The following NAPB variants were observed in gnomAD, a reference collection of about 807,000 sequenced individuals.
NAPB encodes NSF attachment protein beta.
NAPB carries 26 observed loss-of-function variants against 44.7 expected under a neutral mutation model. The observed-to-expected ratio is 0.58, with a 90% CI of 0.43 to 0.81. NAPB has a LOEUF of 0.81. Ranked by LOEUF, NAPB falls within the 30% of genes least tolerant of loss-of-function variation. NAPB has a pLI of 0.00. For missense variants in NAPB, 315 were observed against 356.4 expected (o/e 0.88, Z 0.94); for synonymous variants, 120 against 116.8 (o/e 1.03, Z -0.18).
At chr20:23,395,023 T>C (rs924033886) in intron 4 of NAPB, 24 bp from the exon 5 acceptor site, 27 of 1,613,392 alleles carry the variant, frequency 1.7e-5, no homozygotes, top group Non-Finnish European at 2.1e-5. Flanking sequence ...CAAGAAACAG[T>C]CACACACCGA....
chr20:23,385,716 G>A (rs1338050633), intron 7 of NAPB, among the ~76,000 whole-genome samples: 3 of 42,976 alleles, frequency 7.0e-5, no homozygotes, highest in Non-Finnish European at 1.4e-4. Context: ...CTGTCTGAAA[G>A]AAGAGAAAGA....
At chr20:23,388,821 A>G (rs980921061) in intron 7 of NAPB, among the ~76,000 whole-genome samples, 1 of 100,002 alleles carries the variant, frequency 1.0e-5, no homozygotes, top group African/African-American at 6.2e-5. Flanking sequence ...CAAAACAGAA[A>G]GGAAAAGCCT....
At chr20:23,383,667 A>G (rs1983226172) in intron 7 of NAPB, among the ~76,000 whole-genome samples, 1 of 152,236 alleles carries the variant, frequency 6.6e-6, no homozygotes, top group Non-Finnish European at 1.5e-5. Context: ...ATTTGTTGTC[A>G]GCAGACCTAC....
intron 1 of NAPB, among the ~76,000 whole-genome samples, chr20:23,412,937 A>G (rs1473384753): frequency 1.3e-5 from 2 of 152,280 alleles, no homozygotes; most frequent in East Asian, 3.9e-4. Flanking sequence ...TGGAGGTTGC[A>G]GTGAGCCGCA....
chr20:23,393,941 T>G (rs1306128820), intron 5 of NAPB, among the ~76,000 whole-genome samples: 1 of 152,120 alleles, frequency 6.6e-6, no homozygotes, highest in African/African-American at 2.4e-5. Flanking sequence ...ATCTGGCATG[T>G]GTGCGGAACA....
chr20:23,400,945 AATTT>A (rs1984789519), intron 2 of NAPB, among the ~76,000 whole-genome samples: 1 of 152,212 alleles, frequency 6.6e-6, no homozygotes, highest in African/African-American at 2.4e-5. Context: ...AACATTATGT[AATTT>A]ATTTTTGCTA....
chr20:23,390,227 T>G lies in NAPB; in HGVS notation c.458A>C (p.Lys153Thr). 1 of 1,611,062 alleles carries G rather than the reference T, an allele frequency of 6.2e-7. No homozygotes were observed. The highest frequency in any genetic ancestry group is 1.1e-5 in the South Asian group (1 of 90,998). Residue 153 changes from lysine (K) to threonine (T), a missense_variant, in exon 6 of 11, where the codon AAA (lysine) becomes ACA (threonine). By Grantham distance (78) the Lys-to-Thr change is moderately conservative. Around this residue, in one of 3 missense-constraint regions of NAPB, gnomAD observed 16 missense variants for 43.4 expected, o/e 0.37. Coordinates refer to ENST00000377026, the MANE Select transcript of NAPB (RefSeq NM_022080.3). Reference protein sequence around the residue: ...AHYEQSADYYKGEESNSSANK... With the variant: ...AHYEQSADYYTGEESNSSANK... ...TACTTGCCTGTTGGATTCTTCTCCTTTGTAATAATCAGCAGATTGTTCATA... is the reference window on the plus strand; with the variant it reads ...TACTTGCCTGTTGGATTCTTCTCCTGTGTAATAATCAGCAGATTGTTCATA...
intron 9 of NAPB, 156 bp from the exon 10 acceptor site, chr20:23,379,651 T>TAC (rs1982839309): frequency 1.5e-6 from 1 of 674,484 alleles, no homozygotes; most frequent in South Asian, 2.0e-5. Flanking sequence ...ATCTAGCTTC[T>TAC]GTAGTAACAT....
intron 1 of NAPB, among the ~76,000 whole-genome samples, chr20:23,405,045 G>A (rs946151002): frequency 1.4e-4 from 21 of 152,206 alleles, no homozygotes; most frequent in African/African-American, 5.1e-4. Flanking sequence ...GCTCACGCCT[G>A]TAATCCCAGC....
intron 6 of NAPB, 54 bp from the exon 7 acceptor site, chr20:23,390,084 A>C: frequency 6.3e-7 from 1 of 1,576,362 alleles, no homozygotes; most frequent in Non-Finnish European, 8.7e-7. Context: ...AAAATAAAAG[A>C]TGTGCACTGG....
chr20:23,403,056 C>A lies in NAPB; in HGVS notation c.115G>T (p.Glu39Ter). The change falls in exon 2 of 11, where the codon GAA becomes TAA. Residue 39 changes from glutamate (E) to a stop codon, truncating the protein, a stop_gained. Coordinates refer to ENST00000377026, the MANE Select transcript of NAPB (RefSeq NM_022080.3). LOFTEE classifies it high-confidence loss of function. The stretch of plus-strand genomic sequence containing the variant: ...CTGGTATACATTTCACAAGCCTCTT[C>A]TATTCTTGTGTTTCCTCTGAGAAAA... ...RGLFGGNTRI[E>*]EACEMYTRAA... is the part of the protein sequence containing the mutation. 1 of 1,613,166 alleles carries A rather than the reference C, an allele frequency of 6.2e-7. No individual in the cohort carries two copies. Among genetic ancestry groups the A allele is most frequent in the Non-Finnish European group, 8.5e-7 (1 of 1,179,706 alleles).
At chr20:23,397,295 G>A in intron 2 of NAPB, 107 bp from the exon 3 acceptor site, 1 of 1,344,968 alleles carries the variant, frequency 7.4e-7, no homozygotes, top group Non-Finnish European at 9.8e-7. Flanking sequence ...CTGAAAAGAA[G>A]CATTCTAGTC....
intron 1 of NAPB, among the ~76,000 whole-genome samples, chr20:23,413,229 GA>G (rs1022887782): frequency 1.2e-4 from 17 of 144,078 alleles, no homozygotes; most frequent in East Asian, 4.0e-4. Flanking sequence ...TGATCATAAT[GA>G]AAAAAAAAAA....
At position 23,394,970 on chromosome 20, in the gene NAPB, G is replaced by A; in HGVS notation, c.372C>T (p.His124=). The A allele has an allele frequency of 1.2e-6, 2 of 1,614,180 alleles. No individual in the cohort carries two copies. The highest frequency in any genetic ancestry group is 1.7e-6 in the Non-Finnish European group (2 of 1,180,024). The change falls in exon 5 of 11, where the codon CAC becomes CAT. Residue 124 remains histidine (H), a synonymous_variant. Transcript: ENST00000377026. ...MGRFTIAAKH[H]ITIAEIYETE... is the part of the protein sequence containing the mutation. ...TCTCATAGATCTCTGCAATAGTAAT[G>A]TGGTGCTTGGCTGCAATTGTAAACC...
At chr20:23,390,390 ACTTT>A (rs1983858498) in intron 5 of NAPB, 126 bp from the exon 6 acceptor site, 1 of 738,096 alleles carries the variant, frequency 1.4e-6, no homozygotes, top group African/African-American at 1.8e-5. Flanking sequence ...AACTCGGCCT[ACTTT>A]CTTTAGGAAA....
rs1427429863 is a variant in NAPB, at chr20:23,401,483, C to T, written c.178+1510G>A. On this transcript the variant is annotated intron_variant, in intron 2 of 10. Coordinates refer to ENST00000377026, the MANE Select transcript of NAPB (RefSeq NM_022080.3). ...GCATCACCCCAGGCAACAGATGACG[C>T]GGGGTGCACATACAAAGCCTCCTTA... Among the ~76,000 whole-genome samples the T allele has an allele frequency of 3.3e-5, 5 of 152,234 alleles. No homozygotes were observed. The East Asian group carries it at 5.8e-4, about 18-fold the overall frequency.
intron 1 of NAPB, among the ~76,000 whole-genome samples, chr20:23,420,873 G>A (rs2123286197): frequency 6.6e-6 from 1 of 151,720 alleles, no homozygotes; most frequent in African/African-American, 2.4e-5. Context: ...GGTCCTAGGG[G>A]TTCTCTGAAA....
Position 23,379,938 on chromosome 20 carries a change from G to C in NAPB, c.667-3C>G. On this transcript the variant is annotated splice_polypyrimidine_tract_variant and splice_region_variant and intron_variant, in intron 8 of 10. Transcript: ENST00000377026. ...TCCTCATATTTCTCAAGAGCAAGCT[G>C]AGAGAGAAAAACCACTCATCAATTT... 1 of 1,612,068 alleles carries C rather than the reference G, an allele frequency of 6.2e-7. No homozygotes were observed. Among genetic ancestry groups the C allele is most frequent in the Non-Finnish European group, 8.5e-7 (1 of 1,178,764 alleles).
In NAPB at chr20:23,387,135, A is replaced by G. The variant is rs540468506; in HGVS notation, c.561+2811T>C. The stretch of plus-strand genomic sequence containing the variant: ...GTCTGACAAATAAAGGACAAAAATC[A>G]TATGTTTATCTCAATAGACACAGGA... On this transcript the variant is annotated intron_variant, in intron 7 of 10. Transcript: ENST00000377026. Among the ~76,000 whole-genome samples the G allele has an allele frequency of 1.5e-3, 223 of 152,312 alleles. 2 individuals are homozygous for G. Among genetic ancestry groups the G allele is most frequent in the African/African-American group, 5.1e-3 (214 of 41,568 alleles).
Sources: gnomAD v4.1 joint callset for allele counts (sites outside exome capture counted in the v4.1 genomes callset) on GRCh38, gnomAD v4.1.1 for gene constraint, gnomAD v4.1.1 regional missense constraint, MANE v1.5 for transcripts, NCBI Gene and HGNC (gene_info 2026-07-23, HGNC 2026-07-21) for gene names.